The following ZMAT4 variants were observed in gnomAD, a reference collection of about 807,000 sequenced individuals.
ZMAT4 encodes zinc finger matrin-type protein 4.
In ZMAT4, 17 loss-of-function variants were observed where a neutral mutation model predicts 28.7. That is an observed-to-expected ratio of 0.59 (90% CI 0.41 to 0.89). ZMAT4 has a LOEUF of 0.89. ZMAT4 is among the 40% of genes least tolerant of loss of function. ZMAT4 has a pLI of 0.00. For missense variants in ZMAT4, 240 were observed against 283.8 expected, an observed-to-expected ratio of 0.85 and a Z score of 1.11; for synonymous variants, 117 against 109.2, an observed-to-expected ratio of 1.07 and a Z score of -0.44.
intron 1 of ZMAT4, among the ~76,000 whole-genome samples, chr8:40,889,753 A>G (rs562440802): frequency 9.9e-5 from 15 of 152,250 alleles, no homozygotes; most frequent in Non-Finnish European, 1.6e-4. Context: ...GAACCATAAT[A>G]TATTTAATTA....
At chr8:40,601,545 G>T (rs1805335093) in intron 5 of ZMAT4, among the ~76,000 whole-genome samples, 1 of 141,248 alleles carries the variant, frequency 7.1e-6, no homozygotes, top group African/African-American at 2.7e-5. Context: ...GGGGAAGGGG[G>T]AGTGAGAAAG....
chr8:40,558,615 G>A lies in ZMAT4; in HGVS notation c.674+22550C>T, dbSNP rs1020131440. ...GAAATAAGGGGAGATTTGGGGAGAA[G>A]GAGGTAGAAGATCATTGGCTGACAT... is the stretch of plus-strand genomic sequence containing the variant. On this transcript the variant is annotated intron_variant, in intron 6 of 6. Coordinates refer to ENST00000297737, the MANE Select transcript of ZMAT4 (RefSeq NM_024645.3). Among the ~76,000 whole-genome samples the A allele has an allele frequency of 3.9e-5, 6 of 152,104 alleles. 1 individual carries two copies. In the South Asian group the frequency reaches 8.3e-4, roughly 21 times the overall value.
chr8:40,808,540 A>G (rs1393271756), intron 2 of ZMAT4: 2 of 455,894 alleles, frequency 4.4e-6, no homozygotes, highest in African/African-American at 4.0e-5. Flanking sequence ...GTTTTAAGTT[A>G]CATTGCTCAT....
chr8:40,867,737 T>C (rs1817725189), intron 1 of ZMAT4, among the ~76,000 whole-genome samples: 1 of 152,170 alleles, frequency 6.6e-6, no homozygotes, highest in African/African-American at 2.4e-5. Flanking sequence ...CTAACCACCA[T>C]CTGTAGGATT....
intron 6 of ZMAT4, among the ~76,000 whole-genome samples, chr8:40,563,731 C>T (rs1803822179): frequency 6.6e-6 from 1 of 152,122 alleles, no homozygotes; most frequent in African/African-American, 2.4e-5. Context: ...CCACCTCCAA[C>T]TCTCTTTTTA....
At chr8:40,766,366 C>T (rs184506975) in intron 3 of ZMAT4, among the ~76,000 whole-genome samples, 74 of 152,298 alleles carry the variant, frequency 4.9e-4, no homozygotes, top group African/African-American at 1.7e-3. Flanking sequence ...TCACAGTACG[C>T]CTCCTATCTA....
chr8:40,885,658 G>A (rs532700385), intron 1 of ZMAT4, among the ~76,000 whole-genome samples: 5 of 152,176 alleles, frequency 3.3e-5, no homozygotes, highest in Admixed American at 6.5e-5. Context: ...TTAAATCATG[G>A]ACTGTGTTAC....
At chr8:40,647,345 C>A (rs1318415347) in intron 5 of ZMAT4, among the ~76,000 whole-genome samples, 7 of 151,502 alleles carry the variant, frequency 4.6e-5, no homozygotes, top group Non-Finnish European at 1.0e-4. Flanking sequence ...GTCACTCCCA[C>A]CCGAATACTG....
chr8:40,895,881 C>T (rs763378974), intron 1 of ZMAT4, among the ~76,000 whole-genome samples: 1 of 152,202 alleles, frequency 6.6e-6, no homozygotes, highest in Non-Finnish European at 1.5e-5. Context: ...CTGGGGGTCA[C>T]GTGCCCTGGA....
chr8:40,551,516 T>C (rs1028484916), intron 6 of ZMAT4, among the ~76,000 whole-genome samples: 2 of 152,208 alleles, frequency 1.3e-5, no homozygotes, highest in African/African-American at 4.8e-5. Flanking sequence ...GTAGACGATG[T>C]ATTAGTGTAG....
rs1388274616 is a variant in ZMAT4, at chr8:40,667,234, C to A, written c.577+7470G>T. The stretch of plus-strand genomic sequence containing the variant: ...GCAGTGGTGCAATCTCTGCTCACTG[C>A]AAGTTCTGCCTCCCAGGTTCACGCC... On this transcript the variant is annotated intron_variant, in intron 5 of 6. Coordinates refer to ENST00000297737, the MANE Select transcript of ZMAT4 (RefSeq NM_024645.3). Among the ~76,000 whole-genome samples the A allele has an allele frequency of 3.3e-5, 5 of 151,922 alleles. No homozygotes were observed. The East Asian group carries it at 7.7e-4, about 23-fold the overall frequency.
chr8:40,690,868 A>G, intron 4 of ZMAT4: 2 of 981,040 alleles, frequency 2.0e-6, no homozygotes, highest in Non-Finnish European at 2.4e-6. Context: ...AGAGGAATAT[A>G]CAATAAACAC....
chr8:40,724,950 G>A (rs1811260152), intron 3 of ZMAT4, among the ~76,000 whole-genome samples: 1 of 152,118 alleles, frequency 6.6e-6, no homozygotes, highest in Non-Finnish European at 1.5e-5. Flanking sequence ...ACTAACTGAA[G>A]GATTGGAACT....
At chr8:40,785,015 C>A (rs1814008693) in intron 2 of ZMAT4, among the ~76,000 whole-genome samples, 1 of 152,224 alleles carries the variant, frequency 6.6e-6, no homozygotes, top group Non-Finnish European at 1.5e-5. Context: ...AGACTAAAGT[C>A]TTAACTCCAG....
intron 1 of ZMAT4, among the ~76,000 whole-genome samples, chr8:40,826,545 G>T (rs537056475): frequency 1.3e-5 from 2 of 151,958 alleles, no homozygotes; most frequent in Admixed American, 1.3e-4. Context: ...GCCTTTAAGC[G>T]GTATAAAATC....
At chr8:40,732,783 C>T (rs1323755123) in intron 3 of ZMAT4, among the ~76,000 whole-genome samples, 3 of 148,636 alleles carry the variant, frequency 2.0e-5, no homozygotes, top group Non-Finnish European at 4.4e-5. Flanking sequence ...AAGAAAAAGG[C>T]AGACACTGGG....
At chr8:40,697,482 G>A in intron 3 of ZMAT4, 81 bp from the exon 4 acceptor site, 1 of 1,294,082 alleles carries the variant, frequency 7.7e-7, no homozygotes, top group East Asian at 2.8e-5. Context: ...AGACGAACTA[G>A]TGTATTGAAA....
rs1184829933 is a variant in ZMAT4 at position 40,742,767 on chromosome 8, AC to A, written c.192+24873del. On this transcript the variant is annotated intron_variant, in intron 3 of 6. Coordinates refer to ENST00000297737, the MANE Select transcript of ZMAT4 (RefSeq NM_024645.3). ...CACGCATGCACACACACACACACAC[AC>A]ACACACACACACACACACACACACA... Among the ~76,000 whole-genome samples the A allele has an allele frequency of 1.2e-4, 19 of 152,198 alleles. No individual in the cohort carries two copies. The Middle Eastern group carries it at 0.01, about 82-fold the overall frequency.
chr8:40,549,642 A>G (rs968477267), intron 6 of ZMAT4, among the ~76,000 whole-genome samples: 2 of 152,026 alleles, frequency 1.3e-5, no homozygotes, highest in Non-Finnish European at 2.9e-5. Context: ...TAGCTTCCAC[A>G]TTTCCACTGT....
Sources: allele counts gnomAD v4.1 joint callset (sites outside exome capture counted in the v4.1 genomes callset), GRCh38; gene constraint gnomAD v4.1.1; transcripts MANE v1.5; gene names NCBI Gene and HGNC (gene_info 2026-07-23, HGNC 2026-07-21).